Variants in PLEKHA5 observed in about 807,000 individuals in gnomAD.
PLEKHA5 encodes the protein pleckstrin homology domain-containing family A member 5.
A neutral mutation model predicts 181.9 loss-of-function variants in PLEKHA5; 55 were observed. The observed-to-expected ratio is 0.30, with a 90% CI of 0.24 to 0.38. PLEKHA5 has a LOEUF of 0.38. Ranked by LOEUF, PLEKHA5 falls within the 10% of genes least tolerant of loss-of-function variation. PLEKHA5 has a pLI of 1.00. For synonymous variants in PLEKHA5, 535 were observed against 529.4 expected, an observed-to-expected ratio of 1.01 and a Z score of -0.15; for missense variants, 1,432 against 1,549.5, an observed-to-expected ratio of 0.92 and a Z score of 1.27.
intron 3 of PLEKHA5, among the ~76,000 whole-genome samples, chr12:19,155,269 C>G: frequency 6.6e-6 from 1 of 152,186 alleles, no homozygotes; most frequent in Non-Finnish European, 1.5e-5. Context: ...CAAATTCAGA[C>G]AATCCTAAAC....
At chr12:19,189,183 T>G (rs1465297855) in intron 3 of PLEKHA5, among the ~76,000 whole-genome samples, 1 of 152,320 alleles carries the variant, frequency 6.6e-6, no homozygotes, top group Middle Eastern at 3.4e-3. Context: ...CCCCTAGCCA[T>G]GGCTGGTGAG....
chr12:19,132,259 C>T, intron 2 of PLEKHA5, 134 bp from the exon 3 acceptor site: 1 of 615,456 alleles, frequency 1.6e-6, no homozygotes, highest in Non-Finnish European at 2.8e-6. Context: ...GTTGTATTGC[C>T]AGCTCAACAC....
In PLEKHA5 at chr12:19,334,862, ATATATATC is replaced by A. The variant is rs1415711060; in HGVS notation, c.2449-1651_2449-1644del. Among the ~76,000 whole-genome samples the A allele has an allele frequency of 2.8e-3, 176 of 62,650 alleles. 24 individuals are homozygous for A. Among genetic ancestry groups the A allele is most frequent in the Admixed American group, 3.4e-3 (17 of 4,992 alleles). 41.1% of individuals were successfully genotyped at this position (62,650 alleles called of 152,430 possible). A position where few individuals can be genotyped will look rare whatever the true frequency, so the allele number is the denominator to read the frequency against. ...TATATATATATATATATATATATAT[ATATATATC>A]TCTGTATACGCACACACACACAAAA... On this transcript the variant is annotated intron_variant, in intron 20 of 31. Coordinates refer to ENST00000429027, the MANE Select transcript of PLEKHA5 (RefSeq NM_001256470.2).
At chr12:19,338,229 G>T (rs367848291) in intron 21 of PLEKHA5, among the ~76,000 whole-genome samples, 2 of 152,116 alleles carry the variant, frequency 1.3e-5, no homozygotes, top group South Asian at 2.1e-4. Flanking sequence ...TTGAATCAGG[G>T]TTTTGTTCTG....
At chr12:19,296,464 C>T (rs1241355217) in intron 15 of PLEKHA5, among the ~76,000 whole-genome samples, 6 of 151,424 alleles carry the variant, frequency 4.0e-5, no homozygotes, top group Admixed American at 4.0e-4. Flanking sequence ...ATGAGAATCA[C>T]TTGAAGCTAG....
intron 3 of PLEKHA5, among the ~76,000 whole-genome samples, chr12:19,158,765 C>G (rs1019742334): frequency 2.6e-5 from 4 of 152,078 alleles, no homozygotes; most frequent in Admixed American, 6.6e-5. Context: ...TAGTTATGAT[C>G]CAGTGGCATA....
At chr12:19,230,393 G>A (rs1004533122) in intron 3 of PLEKHA5, among the ~76,000 whole-genome samples, 10 of 152,174 alleles carry the variant, frequency 6.6e-5, no homozygotes, top group African/African-American at 9.6e-5. Context: ...TGATGGGACC[G>A]GGCGTCGCAG....
chr12:19,340,592 A>T (rs1331876580), intron 21 of PLEKHA5, among the ~76,000 whole-genome samples: 1 of 148,270 alleles, frequency 6.7e-6, no homozygotes, highest in African/African-American at 2.5e-5. Flanking sequence ...GAGACTTTTC[A>T]TTTTGTTCTG....
chr12:19,303,620 C>G (rs2082229206), intron 15 of PLEKHA5: 1 of 152,022 alleles, frequency 6.6e-6, no homozygotes, highest in South Asian at 2.1e-4. Flanking sequence ...AATATGGCAA[C>G]CTCCTGGGAA....
chr12:19,200,837 C>T (rs565879822), intron 3 of PLEKHA5: 2 of 205,370 alleles, frequency 9.7e-6, no homozygotes, highest in South Asian at 3.5e-4. Context: ...ACCTTAGGCC[C>T]TTATTATCAT....
chr12:19,189,880 A>T lies in PLEKHA5; in HGVS notation c.227+57430A>T, dbSNP rs374942930. Among the ~76,000 whole-genome samples, 7 of 152,230 alleles carry T rather than the reference A, an allele frequency of 4.6e-5. No homozygotes were observed. The South Asian group carries it at 1.0e-3, about 23-fold the overall frequency. On this transcript the variant is annotated intron_variant, in intron 3 of 31. Transcript: ENST00000429027. Reference sequence around the variant, plus strand: ...AAGGGCTCTTTTGAGAACAGCCAGAATTTTCCTTTCATTAGAGCTTTTGTG... The same window carrying T: ...AAGGGCTCTTTTGAGAACAGCCAGATTTTTCCTTTCATTAGAGCTTTTGTG...
chr12:19,338,328 T>C (rs552518414), intron 21 of PLEKHA5, among the ~76,000 whole-genome samples: 2 of 152,072 alleles, frequency 1.3e-5, no homozygotes, highest in East Asian at 2.0e-4. Context: ...CCTTCCAAAG[T>C]TCTGGGATCG....
At chr12:19,231,430 T>G (rs1239932284) in intron 3 of PLEKHA5, among the ~76,000 whole-genome samples, 1 of 150,106 alleles carries the variant, frequency 6.7e-6, no homozygotes, top group African/African-American at 2.4e-5. Context: ...TACATTCACA[T>G]AAATATGTGC....
At chr12:19,234,859 T>C (rs1057215383) in intron 3 of PLEKHA5, among the ~76,000 whole-genome samples, 5 of 152,226 alleles carry the variant, frequency 3.3e-5, no homozygotes, top group Non-Finnish European at 4.4e-5. Context: ...ATAGTAAGCT[T>C]ACTATATTTT....
At chr12:19,244,180 A>G (rs1204035456) in intron 3 of PLEKHA5, among the ~76,000 whole-genome samples, 1 of 152,212 alleles carries the variant, frequency 6.6e-6, no homozygotes, top group Non-Finnish European at 1.5e-5. Flanking sequence ...TTGAGTTGCA[A>G]AATTACAAGA....
chr12:19,203,326 G>T (rs968006179), intron 3 of PLEKHA5, among the ~76,000 whole-genome samples: 1 of 151,994 alleles, frequency 6.6e-6, no homozygotes, highest in Non-Finnish European at 1.5e-5. Flanking sequence ...ATTATCCAGG[G>T]TATAGAACAC....
intron 31 of PLEKHA5, chr12:19,371,346 C>G (rs1021398509): frequency 6.6e-6 from 1 of 152,422 alleles, no homozygotes; most frequent in East Asian, 1.9e-4. Flanking sequence ...ATTTCACTAG[C>G]TTTGGGTACA....
At chr12:19,348,796 T>C (rs894093144) in intron 25 of PLEKHA5, among the ~76,000 whole-genome samples, 7 of 152,152 alleles carry the variant, frequency 4.6e-5, no homozygotes, top group African/African-American at 1.7e-4. Flanking sequence ...CATAAATAAA[T>C]GCTAAAAATA....
At chr12:19,214,183 C>A (rs1469006743) in intron 3 of PLEKHA5, among the ~76,000 whole-genome samples, 2 of 152,088 alleles carry the variant, frequency 1.3e-5, no homozygotes, top group African/African-American at 4.8e-5. Flanking sequence ...CAGAGCAGAC[C>A]TAGCAGAAGT....
Sources: allele counts gnomAD v4.1 joint callset (sites outside exome capture counted in the v4.1 genomes callset), GRCh38; gene constraint gnomAD v4.1.1; transcripts MANE v1.5; gene names NCBI Gene and HGNC (gene_info 2026-07-23, HGNC 2026-07-21).